The following TSACC variants were observed in gnomAD, a reference collection of about 807,000 sequenced individuals.
TSACC encodes TSSK6-activating co-chaperone protein.
Under a neutral mutation model 6.9 loss-of-function variants are expected in TSACC, and 3 were observed. That is an observed-to-expected ratio of 0.43 (90% CI 0.20 to 1.12). The LOEUF (loss-of-function observed/expected upper bound fraction) is 1.12, where lower values mean the gene tolerates loss of function less well. Among genes scored for constraint, TSACC ranks in the 50% most tolerant of loss-of-function variants. The pLI is 0.28. For synonymous variants in TSACC, 54 were observed against 55.1 expected (o/e 0.98, Z 0.09); for missense variants, 137 against 143.9 (o/e 0.95, Z 0.24).
At chr1:156,345,642 C>T (rs1020874315) in intron 3 of TSACC, among the ~76,000 whole-genome samples, 5 of 149,420 alleles carry the variant, frequency 3.3e-5, no homozygotes, top group East Asian at 2.0e-4. Flanking sequence ...CCAAAGCGGG[C>T]GGATTACCTG....
In TSACC at chr1:156,339,646, T is replaced by C; in HGVS notation, c.-112T>C. On this transcript the variant is annotated 5_prime_UTR_variant, in exon 2 of 4. An upstream open reading frame in the 5' UTR loses its in-frame stop. Coordinates refer to ENST00000368254, the MANE Select transcript of TSACC (RefSeq NM_001304817.2). ...TTTTCCTCTGCAGATTGGAACAGGC[T>C]GAGATCTGCTGGAGACAACTTAGGA... The C allele has an allele frequency of 7.2e-7, 1 of 1,383,754 alleles. No individual in the cohort carries two copies. The highest frequency in any genetic ancestry group is 2.3e-5 in the East Asian group (1 of 42,768). 85.7% of individuals were successfully genotyped at this position (1,383,754 alleles called of 1,614,324 possible). A position where few individuals can be genotyped will look rare whatever the true frequency, so the allele number is the denominator to read the frequency against.
At chr1:156,344,531 AG>A (rs775877430) in intron 2 of TSACC, 48 bp from the exon 3 acceptor site, 144 of 1,596,392 alleles carry the variant, frequency 9.0e-5, no homozygotes, top group Non-Finnish European at 1.2e-4. Flanking sequence ...CTAATTAGAA[AG>A]GCTGTCCCTT....
chr1:156,338,473 C>G, upstream of TSACC: 1 of 528,742 alleles, frequency 1.9e-6, no homozygotes, highest in South Asian at 2.5e-5. Flanking sequence ...AGTAGGGTGG[C>G]CGCTCCCGGC....
intron 3 of TSACC, among the ~76,000 whole-genome samples, chr1:156,345,653 A>C (rs549961264): frequency 3.1e-4 from 47 of 152,056 alleles, no homozygotes; most frequent in African/African-American, 1.1e-3. Flanking sequence ...GGATTACCTG[A>C]GGTCAGGAGT....
chr1:156,340,974 T>C (rs1236216696), intron 2 of TSACC, among the ~76,000 whole-genome samples: 1 of 152,052 alleles, frequency 6.6e-6, no homozygotes, highest in East Asian at 1.9e-4. Context: ...GGATTACAGG[T>C]GTATGCCACC....
chr1:156,345,866 A>G (rs1344305584), intron 3 of TSACC, among the ~76,000 whole-genome samples: 14 of 139,574 alleles, frequency 1.0e-4, no homozygotes, highest in Non-Finnish European at 1.4e-4. Context: ...GGCTCCATTG[A>G]AAAAAAAAAA....
chr1:156,344,713 G>A lies in TSACC; in HGVS notation c.163+5G>A. On this transcript the variant is annotated splice_donor_5th_base_variant and intron_variant, in intron 3 of 3. Coordinates refer to ENST00000368254, the MANE Select transcript of TSACC (RefSeq NM_001304817.2). ...AGACAACAAAGCTGCCCTCGGGTAAGGATGTAGGGAGGGTTTTCTAATGGA... is the reference window on the plus strand; with the variant it reads ...AGACAACAAAGCTGCCCTCGGGTAAAGATGTAGGGAGGGTTTTCTAATGGA... 1 of 1,613,226 alleles carries A rather than the reference G, an allele frequency of 6.2e-7. No individual in the cohort carries two copies. Among genetic ancestry groups the A allele is most frequent in the Non-Finnish European group, 8.5e-7 (1 of 1,179,764 alleles).
intron 3 of TSACC, among the ~76,000 whole-genome samples, chr1:156,346,559 G>T (rs1319876033): frequency 6.6e-6 from 1 of 152,150 alleles, no homozygotes; most frequent in Non-Finnish European, 1.5e-5. Flanking sequence ...AAGGGAGGGG[G>T]TAATAAGTTC....
chr1:156,343,933 T>C (rs1359650870), intron 2 of TSACC, among the ~76,000 whole-genome samples: 1 of 151,772 alleles, frequency 6.6e-6, no homozygotes, highest in Non-Finnish European at 1.5e-5. Flanking sequence ...AGAGACGGAG[T>C]TTTACCAGGT....
upstream of TSACC, chr1:156,338,073 G>A: frequency 6.8e-7 from 1 of 1,469,542 alleles, no homozygotes; most frequent in South Asian, 1.2e-5. Context: ...GTCAGTGGGG[G>A]ACGGAGCTGG....
intron 2 of TSACC, among the ~76,000 whole-genome samples, chr1:156,343,086 C>T (rs1368546446): frequency 6.6e-6 from 1 of 152,182 alleles, no homozygotes; most frequent in East Asian, 1.9e-4. Flanking sequence ...GCTCCTTCAT[C>T]CCCTTTTTGG....
At chr1:156,338,143 C>T (rs1486721572), upstream of TSACC, 1 of 1,583,652 alleles carries the variant, frequency 6.3e-7, no homozygotes. Flanking sequence ...CCTGGCATCC[C>T]CAGAACTCAC....
intron 3 of TSACC, among the ~76,000 whole-genome samples, chr1:156,346,356 G>C (rs191097256): frequency 4.6e-5 from 7 of 152,224 alleles, no homozygotes; most frequent in Admixed American, 3.3e-4. Flanking sequence ...CTCCCTCCCA[G>C]ACCATTTCAT....
Position 156,346,216 on chromosome 1 carries a change from AAG to A in TSACC, c.164-550_164-549del, listed in dbSNP as rs1315657312. Among the ~76,000 whole-genome samples the A allele has an allele frequency of 3.9e-5, 6 of 151,902 alleles. No homozygotes were observed. The East Asian group carries it at 5.8e-4, about 15-fold the overall frequency. ...TCCAAAAAAAAAAAAAAAAAAGAAA[AAG>A]AAAAAAAACAATGGACCAATGTAGC... is the stretch of plus-strand genomic sequence containing the variant. On this transcript the variant is annotated intron_variant, in intron 3 of 3. Coordinates refer to ENST00000368254, the MANE Select transcript of TSACC (RefSeq NM_001304817.2).
At chr1:156,339,854 T>G in intron 2 of TSACC, 63 bp downstream of exon 2, 1 of 1,574,350 alleles carries the variant, frequency 6.4e-7, no homozygotes, top group South Asian at 1.1e-5. Flanking sequence ...CATTCCCCAC[T>G]AAATGGGAGC....
At chr1:156,338,486 C>T, upstream of TSACC, 1 of 522,754 alleles carries the variant, frequency 1.9e-6, no homozygotes, top group South Asian at 2.5e-5. Context: ...CTCCCGGCCG[C>T]GTGCAGCGCG....
At chr1:156,338,227 G>C (rs201304186), upstream of TSACC, 2 of 1,565,658 alleles carry the variant, frequency 1.3e-6, no homozygotes, top group African/African-American at 1.3e-5. Flanking sequence ...TGGGGGAACC[G>C]GCAGAACCTT....
chr1:156,339,864 C>T, intron 2 of TSACC, 73 bp downstream of exon 2: 1 of 1,530,006 alleles, frequency 6.5e-7, no homozygotes, highest in Non-Finnish European at 9.0e-7. Context: ...TAAATGGGAG[C>T]ATTGCTGTAT....
intron 2 of TSACC, among the ~76,000 whole-genome samples, chr1:156,343,886 G>C (rs780254028): frequency 6.6e-6 from 1 of 151,922 alleles, no homozygotes; most frequent in Non-Finnish European, 1.5e-5. Context: ...GACTACAAGC[G>C]TCTGCCACCA....
Sources: allele counts gnomAD v4.1 joint callset (sites outside exome capture counted in the v4.1 genomes callset), GRCh38; gene constraint gnomAD v4.1.1; transcripts MANE v1.5; gene names NCBI Gene and HGNC (gene_info 2026-07-23, HGNC 2026-07-21).